FAM135A: variants seen among roughly 807,000 people sequenced by gnomAD.
FAM135A encodes family with sequence similarity 135 member A, also known as protein FAM135A.
Under a neutral mutation model 146.8 loss-of-function variants are expected in FAM135A, and 79 were observed. The observed-to-expected ratio is 0.54, with a 90% CI of 0.45 to 0.65. FAM135A has a LOEUF of 0.65. FAM135A is among the 30% of genes least tolerant of loss of function. The pLI is 0.00. For missense variants in FAM135A, 1,623 were observed against 1,758.2 expected, an observed-to-expected ratio of 0.92 and a Z score of 1.38; for synonymous variants, 562 against 603.6, an observed-to-expected ratio of 0.93 and a Z score of 1.01.
At chr6:70,463,376 A>G (rs561117732) in intron 5 of FAM135A, among the ~76,000 whole-genome samples, 59 of 151,868 alleles carry the variant, frequency 3.9e-4, no homozygotes, top group African/African-American at 1.4e-3. Context: ...CAGCCTCTCA[A>G]AGTAGCTGGG....
At chr6:70,464,118 TTGGTCACAAAG>T (rs1223496729) in intron 5 of FAM135A, among the ~76,000 whole-genome samples, 1 of 152,204 alleles carries the variant, frequency 6.6e-6, no homozygotes, top group Non-Finnish European at 1.5e-5. Flanking sequence ...GAATAGTCAC[TTGGTCACAAAG>T]TAAATGAAAG....
chr6:70,542,292 A>G (rs905463617), intron 20 of FAM135A, among the ~76,000 whole-genome samples: 8 of 144,648 alleles, frequency 5.5e-5, no homozygotes, highest in Admixed American at 2.1e-4. Context: ...TGCTGTGGTC[A>G]TGCTATTCAT....
chr6:70,507,611 A>G (rs1790080830), intron 12 of FAM135A, among the ~76,000 whole-genome samples: 1 of 152,170 alleles, frequency 6.6e-6, no homozygotes. Context: ...ATACTGGTTC[A>G]ACTATATTAT....
At chr6:70,473,654 C>G (rs1459381136) in intron 5 of FAM135A, among the ~76,000 whole-genome samples, 2 of 152,134 alleles carry the variant, frequency 1.3e-5, no homozygotes, top group Non-Finnish European at 2.9e-5. Flanking sequence ...CAGATGGTCT[C>G]CTTGAACTAG....
intron 5 of FAM135A, among the ~76,000 whole-genome samples, chr6:70,470,942 TAAG>T (rs749218003): frequency 1.4e-4 from 22 of 152,158 alleles, no homozygotes; most frequent in Non-Finnish European, 2.5e-4. Context: ...TCTCATGAAA[TAAG>T]AAACAAATTT....
At chr6:70,500,387 T>G (rs1158838717) in intron 11 of FAM135A, among the ~76,000 whole-genome samples, 1 of 152,194 alleles carries the variant, frequency 6.6e-6, no homozygotes, top group African/African-American at 2.4e-5. Flanking sequence ...CCTGTAACCT[T>G]TTATCAAGGT....
Position 70,524,383 on chromosome 6 carries a change from A to T in FAM135A, c.1299A>T (p.Arg433Ser). ...GGATGGGAATTCAGAATCTTCAGAG[A>T]TCAGAGTCCAGTAAAATGGATAAAT... Reference protein sequence around the residue: ...APWMGIQNLQRSESSKMDKYE... With the variant: ...APWMGIQNLQSSESSKMDKYE... Residue 433 changes from arginine to serine, a missense_variant, in exon 15 of 22, where the codon AGA (arginine) becomes AGT (serine). Physicochemically the swap from Arg to Ser is moderately radical, Grantham distance 110 (BLOSUM62 -1). This residue lies in a region of FAM135A where 1,061 missense variants were observed against 1,113.8 expected (regional missense o/e 0.95). Coordinates refer to ENST00000418814, the MANE Select transcript of FAM135A (RefSeq NM_001162529.3). 6.6e-7 allele frequency: 1 copy of T among 1,509,482 alleles called. No individual in the cohort carries two copies. Among genetic ancestry groups the T allele is most frequent in the Non-Finnish European group, 8.8e-7 (1 of 1,134,470 alleles). 93.5% of individuals were successfully genotyped at this position (1,509,482 alleles called of 1,614,324 possible). A position where few individuals can be genotyped will look rare whatever the true frequency, so the allele number is the denominator to read the frequency against.
At chr6:70,445,350 T>C (rs1182570370) in intron 4 of FAM135A, among the ~76,000 whole-genome samples, 2 of 131,304 alleles carry the variant, frequency 1.5e-5, no homozygotes, top group Non-Finnish European at 3.1e-5. Context: ...TATTTAGATA[T>C]GGTTTCTGCC....
At chr6:70,517,200 T>A (rs1792468381) in intron 12 of FAM135A, among the ~76,000 whole-genome samples, 1 of 152,164 alleles carries the variant, frequency 6.6e-6, no homozygotes, top group Non-Finnish European at 1.5e-5. Context: ...CACCTTTATG[T>A]GTATATATAC....
chr6:70,527,710 G>C (rs1242692449), intron 15 of FAM135A, among the ~76,000 whole-genome samples: 1 of 152,128 alleles, frequency 6.6e-6, no homozygotes, highest in Non-Finnish European at 1.5e-5. Context: ...AAATTGGTTA[G>C]ATTGTCCGTC....
intron 12 of FAM135A, among the ~76,000 whole-genome samples, chr6:70,518,191 G>A (rs1454265605): frequency 6.6e-6 from 1 of 152,202 alleles, no homozygotes; most frequent in East Asian, 1.9e-4. Context: ...TAGTAGTGAT[G>A]TGGGAAAAGA....
intron 4 of FAM135A, among the ~76,000 whole-genome samples, chr6:70,439,956 A>T (rs1033817519): frequency 6.6e-6 from 1 of 152,230 alleles, no homozygotes; most frequent in Non-Finnish European, 1.5e-5. Flanking sequence ...ACATATTTGT[A>T]AAATCATTAT....
At chr6:70,417,530 T>C (rs1390224638) in intron 2 of FAM135A, 10 of 828,808 alleles carry the variant, frequency 1.2e-5, no homozygotes, top group Non-Finnish European at 1.5e-5. Flanking sequence ...GGGACATTTC[T>C]GTTAAGTGTT....
In FAM135A at chr6:70,488,939, C is replaced by T. The variant is rs183442402; in HGVS notation, c.824-2095C>T. Among the ~76,000 whole-genome samples the T allele has an allele frequency of 6.5e-3, 992 of 152,160 alleles. 5 individuals carry two copies. Among genetic ancestry groups the T allele is most frequent in the Middle Eastern group, 0.031 (9 of 294 alleles). On this transcript the variant is annotated intron_variant, in intron 10 of 21. Transcript: ENST00000418814. ...ACTCCCTTAAAAATCTAAGTGATTT[C>T]AAAATTATTTTCAGTTCTAAGATTT...
chr6:70,516,013 C>T (rs533336372), intron 12 of FAM135A, among the ~76,000 whole-genome samples: 9 of 152,048 alleles, frequency 5.9e-5, no homozygotes, highest in South Asian at 2.1e-4. Flanking sequence ...GATTTTATCT[C>T]GATTGTAGAT....
chr6:70,485,345 A>C (rs1784414498), intron 10 of FAM135A, among the ~76,000 whole-genome samples: 1 of 151,958 alleles, frequency 6.6e-6, no homozygotes, highest in African/African-American at 2.4e-5. Context: ...CTTTCTCTTT[A>C]TTGTGAATTT....
At chr6:70,531,214 A>G (rs1211776423) in intron 16 of FAM135A, among the ~76,000 whole-genome samples, 1 of 152,226 alleles carries the variant, frequency 6.6e-6, no homozygotes, top group Non-Finnish European at 1.5e-5. Flanking sequence ...TTGGTCCTCC[A>G]GAAAGTCAAG....
In FAM135A at chr6:70,524,644, G is replaced by T. The variant is rs1248782318; in HGVS notation, c.1560G>T (p.Leu520Phe). The T allele has an allele frequency of 1.3e-6, 2 of 1,549,650 alleles. No homozygotes were observed. Among genetic ancestry groups the T allele is most frequent in the Non-Finnish European group, 1.7e-6 (2 of 1,146,426 alleles). ...IKQNSKDSVV[L>F]VGYKCLKSTA... The stretch of plus-strand genomic sequence containing the variant: ...AGAACTCTAAGGATTCTGTGGTTTT[G>T]GTAGGCTACAAATGTTTGAAAAGTA... Residue 520 changes from leucine (L) to phenylalanine (F), a missense_variant, in exon 15 of 22, where the codon TTG becomes TTT. Leu to Phe is a conservative substitution (Grantham distance 22). Transcript: ENST00000418814.
chr6:70,469,166 C>T (rs1356987650), intron 5 of FAM135A, among the ~76,000 whole-genome samples: 2 of 152,116 alleles, frequency 1.3e-5, no homozygotes, highest in East Asian at 1.9e-4. Flanking sequence ...TCTATGAGGT[C>T]GGAGATTTTT....
Sources: gnomAD v4.1 joint callset for allele counts (sites outside exome capture counted in the v4.1 genomes callset) on GRCh38, gnomAD v4.1.1 for gene constraint, gnomAD v4.1.1 regional missense constraint, MANE v1.5 for transcripts, NCBI Gene and HGNC (gene_info 2026-07-23, HGNC 2026-07-21) for gene names.